The following WAC variants were observed in gnomAD, a reference collection of about 807,000 sequenced individuals.
WAC encodes the protein WW domain containing adaptor with coiled-coil, also known as WW domain-containing adapter protein with coiled-coil.
A neutral mutation model predicts 79.6 loss-of-function variants in WAC; 11 were observed. The ratio of observed to expected loss-of-function variants is 0.14; its 90% confidence interval spans 0.09 to 0.23. The LOEUF (loss-of-function observed/expected upper bound fraction) is 0.23. Ranked by LOEUF, WAC falls within the 10% of genes least tolerant of loss-of-function variation. WAC has a pLI of 1.00. For missense variants in WAC, 728 were observed against 773.5 expected (o/e 0.94, Z 0.70); for synonymous variants, 304 against 276.9 (o/e 1.10, Z -0.97).
At position 28,595,898 on chromosome 10, in the gene WAC, C is replaced by G. The variant is rs1840339998; in HGVS notation, c.776C>G (p.Thr259Ser). ...AAACCAGTGGTTCATCCAACTGCTA[C>G]CCCAAGCACTGTTCCTTCTAGTCCA... The part of the protein sequence containing the change: ...PIKPVVHPTA[T>S]PSTVPSSPFT... Residue 259 changes from threonine (T) to serine (S), a missense_variant, in exon 7 of 14, where the codon ACC becomes AGC. Thr to Ser is a moderately conservative substitution (Grantham distance 58, BLOSUM62 1). Around this residue, in one of 3 missense-constraint regions of WAC, gnomAD observed 648 missense variants for 661.5 expected, o/e 0.98. Transcript: ENST00000354911. The G allele has an allele frequency of 6.2e-7, 1 of 1,614,174 alleles. No individual in the cohort carries two copies. The highest frequency in any genetic ancestry group is 8.5e-7 in the Non-Finnish European group (1 of 1,180,020).
chr10:28,616,061 T>G (rs1841453271), intron 11 of WAC, 112 bp from the exon 12 acceptor site: 20 of 856,354 alleles, frequency 2.3e-5, no homozygotes, highest in African/African-American at 3.5e-5. Flanking sequence ...CAAATTTTTC[T>G]TAGGAATTTG....
Position 28,572,779 on chromosome 10 carries a change from C to G in WAC, c.275-10620C>G, listed in dbSNP as rs189018983. Among the ~76,000 whole-genome samples the G allele has an allele frequency of 1.2e-4, 18 of 152,266 alleles. No homozygotes were observed. The East Asian group carries it at 2.5e-3, about 21-fold the overall frequency. The stretch of plus-strand genomic sequence containing the variant: ...TGAGCCAAGGTTGCACCATTGCACT[C>G]CAGCCTTGGCGATGAGAGCGAAACT... On this transcript the variant is annotated intron_variant, in intron 3 of 13. Coordinates refer to ENST00000354911, the MANE Select transcript of WAC (RefSeq NM_016628.5).
chr10:28,590,379 T>C (rs552503835), intron 5 of WAC, among the ~76,000 whole-genome samples: 1 of 151,732 alleles, frequency 6.6e-6, no homozygotes, highest in East Asian at 1.9e-4. Flanking sequence ...TTTTGAATAG[T>C]CAGTATAGTT....
intron 3 of WAC, among the ~76,000 whole-genome samples, chr10:28,559,648 A>T (rs972429605): frequency 6.6e-6 from 1 of 152,224 alleles, no homozygotes; most frequent in South Asian, 2.1e-4. Context: ...CCACTGGTTT[A>T]CAGAAATAAC....
At chr10:28,557,161 T>A (rs1283634487) in intron 3 of WAC, among the ~76,000 whole-genome samples, 2 of 152,004 alleles carry the variant, frequency 1.3e-5, no homozygotes, top group Non-Finnish European at 2.9e-5. Context: ...CAACTGGTAA[T>A]ATAGGTGTTT....
Position 28,618,491 on chromosome 10 carries a change from C to T in WAC, c.1874+707C>T, listed in dbSNP as rs146997987. On this transcript the variant is annotated intron_variant, in intron 13 of 13. Transcript: ENST00000354911. Reference sequence around the variant, plus strand: ...ATATCTGGAGGTACTCTCTGAGTAACAACTTGGGTTCTTATAGTCAGATTG... The same window carrying T: ...ATATCTGGAGGTACTCTCTGAGTAATAACTTGGGTTCTTATAGTCAGATTG... Among the ~76,000 whole-genome samples the T allele has an allele frequency of 1.5e-3, 233 of 152,300 alleles. 2 individuals are homozygous for T. Among genetic ancestry groups the T allele is most frequent in the Admixed American group, 0.011 (175 of 15,298 alleles).
chr10:28,613,507 G>GA (rs902299019), intron 10 of WAC, among the ~76,000 whole-genome samples: 40 of 149,556 alleles, frequency 2.7e-4, no homozygotes, highest in Admixed American at 6.0e-4. Context: ...ACCCTGTCTG[G>GA]AAAAAAAAAA....
chr10:28,595,040 G>A (rs1840282743), intron 6 of WAC, among the ~76,000 whole-genome samples: 2 of 152,282 alleles, frequency 1.3e-5, no homozygotes, highest in Non-Finnish European at 2.9e-5. Flanking sequence ...TAAGTAGATT[G>A]TTCTGACTAT....
chr10:28,604,238 GT>G lies in WAC; in HGVS notation c.920-3934del, dbSNP rs60432336. On this transcript the variant is annotated intron_variant, in intron 7 of 13. Coordinates refer to ENST00000354911, the MANE Select transcript of WAC (RefSeq NM_016628.5). ...GCCTACCTTCCCAGCATTATCAGGT[GT>G]TTTTTTTTTTTTTATTGTTTAGCAT... Among the ~76,000 whole-genome samples, 1,363 of 136,478 alleles carry G rather than the reference GT, an allele frequency of 1.0e-2. 14 individuals are homozygous for G. The highest frequency in any genetic ancestry group is 0.027 in the African/African-American group (1,025 of 37,336). The allele number at this position is 136,478 out of a possible 152,430, so 89.5% of individuals were successfully genotyped here.
chr10:28,536,377 A>G (rs754388354), intron 3 of WAC, among the ~76,000 whole-genome samples: 1 of 152,190 alleles, frequency 6.6e-6, no homozygotes, highest in Non-Finnish European at 1.5e-5. Flanking sequence ...TTGACCTTTT[A>G]AAGATTTCAG....
In WAC at chr10:28,555,513, G is replaced by A. The variant is rs189900059; in HGVS notation, c.274+19756G>A. On this transcript the variant is annotated intron_variant, in intron 3 of 13. Transcript: ENST00000354911. Reference sequence around the variant, plus strand: ...GTCTTGGGGTTGGTGGGAGTGTTGGGCTCAACTCTGAATGCAGCATGAGCA... The same window carrying A: ...GTCTTGGGGTTGGTGGGAGTGTTGGACTCAACTCTGAATGCAGCATGAGCA... Among the ~76,000 whole-genome samples the A allele has an allele frequency of 2.3e-3, 345 of 152,200 alleles. 3 individuals are homozygous for A. The highest frequency in any genetic ancestry group is 8.1e-3 in the African/African-American group (335 of 41,542).
chr10:28,571,694 T>G (rs1021258502), intron 3 of WAC, among the ~76,000 whole-genome samples: 1 of 152,216 alleles, frequency 6.6e-6, no homozygotes, highest in African/African-American at 2.4e-5. Flanking sequence ...GATTGAGAGG[T>G]GAGTTCCATG....
intron 4 of WAC, among the ~76,000 whole-genome samples, chr10:28,584,862 G>A (rs894124846): frequency 3.3e-5 from 5 of 152,056 alleles, no homozygotes; most frequent in African/African-American, 4.8e-5. Flanking sequence ...AGGCCAAGGC[G>A]GGTGGATCAC....
intron 3 of WAC, among the ~76,000 whole-genome samples, chr10:28,581,379 T>A (rs964287380): frequency 6.6e-6 from 1 of 151,010 alleles, no homozygotes; most frequent in Admixed American, 6.6e-5. Flanking sequence ...CCACTGTGCC[T>A]GGCCTCAGTG....
At chr10:28,609,384 A>G (rs186917231) in intron 8 of WAC, among the ~76,000 whole-genome samples, 4 of 152,158 alleles carry the variant, frequency 2.6e-5, no homozygotes, top group Non-Finnish European at 5.9e-5. Flanking sequence ...AAATAAAGTG[A>G]TCAATTTTTA....
rs1841448328 is a variant in WAC at position 28,615,954 on chromosome 10, C to G, written c.1557-219C>G. Reference sequence around the variant, plus strand: ...GATTTGGAGAGTAGTTTACATTTGACTCTGACAGTAGTGTTAAAAGGGTTT... The same window carrying G: ...GATTTGGAGAGTAGTTTACATTTGAGTCTGACAGTAGTGTTAAAAGGGTTT... On this transcript the variant is annotated intron_variant, in intron 11 of 13. Coordinates refer to ENST00000354911, the MANE Select transcript of WAC (RefSeq NM_016628.5). 1.7e-5 allele frequency: 7 copies of G among 417,118 alleles called. No individual in the cohort carries two copies. The South Asian group carries it at 4.3e-4, about 25-fold the overall frequency. The allele number at this position is 417,118 out of a possible 1,614,324, so 25.8% of individuals were successfully genotyped here.
At position 28,619,823 on chromosome 10, in the gene WAC, C is replaced by T. The variant is rs1418520588; in HGVS notation, c.*217C>T. The T allele has an allele frequency of 2.4e-6, 1 of 409,098 alleles. No individual in the cohort carries two copies. The highest frequency in any genetic ancestry group is 4.3e-6 in the Non-Finnish European group (1 of 231,744). 25.3% of individuals were successfully genotyped at this position (409,098 alleles called of 1,614,324 possible). A position where few individuals can be genotyped will look rare whatever the true frequency, so the allele number is the denominator to read the frequency against. ...AGATTTCTTGTAGATGTATCCTTCACGTTGTAAATATGTTTTGTAGAGTGA... is the reference window on the plus strand; with the variant it reads ...AGATTTCTTGTAGATGTATCCTTCATGTTGTAAATATGTTTTGTAGAGTGA... On this transcript the variant is annotated 3_prime_UTR_variant, in exon 14 of 14. Coordinates refer to ENST00000354911, the MANE Select transcript of WAC (RefSeq NM_016628.5).
chr10:28,610,656 G>A lies in WAC; in HGVS notation c.1166-43G>A, dbSNP rs780817571. 17 of 1,558,738 alleles carry A rather than the reference G, an allele frequency of 1.1e-5. No homozygotes were observed. The East Asian group carries it at 3.7e-4, about 34-fold the overall frequency. On this transcript the variant is annotated intron_variant, in intron 8 of 13. Transcript: ENST00000354911. ...TCAGGTTGTTACTAATGCCACATAAGCCTCTTGTTTTTATATGAATGTATG... is the reference window on the plus strand; with the variant it reads ...TCAGGTTGTTACTAATGCCACATAAACCTCTTGTTTTTATATGAATGTATG...
chr10:28,586,083 G>A (rs1035810115), intron 4 of WAC, among the ~76,000 whole-genome samples: 1 of 152,108 alleles, frequency 6.6e-6, no homozygotes, highest in Non-Finnish European at 1.5e-5. Context: ...GCATTATAAT[G>A]TACCTAGTGG....
Sources: allele counts gnomAD v4.1 joint callset (sites outside exome capture counted in the v4.1 genomes callset), GRCh38; gene constraint gnomAD v4.1.1; regional missense constraint gnomAD v4.1.1; transcripts MANE v1.5; gene names NCBI Gene and HGNC (gene_info 2026-07-23, HGNC 2026-07-21).